KYNU: variants seen among roughly 807,000 people sequenced by gnomAD.
KYNU encodes L-kynurenine hydrolase.
Under a neutral mutation model 59.2 loss-of-function variants are expected in KYNU, and 54 were observed. The observed-to-expected ratio is 0.91, with a 90% CI of 0.73 to 1.14. The LOEUF (loss-of-function observed/expected upper bound fraction) is 1.14. Ranked by LOEUF, KYNU falls within the 50% of genes most tolerant of loss-of-function variation. KYNU has a pLI of 0.00. For synonymous variants in KYNU, 177 were observed against 192.0 expected, an observed-to-expected ratio of 0.92 and a Z score of 0.65; for missense variants, 567 against 554.4, an observed-to-expected ratio of 1.02 and a Z score of -0.23.
chr2:142,926,276 A>G (rs768873291), intron 3 of KYNU, among the ~76,000 whole-genome samples: 3 of 152,166 alleles, frequency 2.0e-5, no homozygotes, highest in Non-Finnish European at 4.4e-5. Flanking sequence ...CTTAAAGTAT[A>G]ATAAAAAAAA....
chr2:142,988,590 T>G (rs1685295764), intron 10 of KYNU, among the ~76,000 whole-genome samples: 1 of 151,974 alleles, frequency 6.6e-6, no homozygotes, highest in African/African-American at 2.4e-5. Context: ...GCTTTTAAGT[T>G]TTTTGGAAAA....
intron 2 of KYNU, among the ~76,000 whole-genome samples, chr2:142,887,635 T>A (rs997478249): frequency 6.6e-6 from 1 of 152,128 alleles, no homozygotes; most frequent in Non-Finnish European, 1.5e-5. Context: ...TATGAGAACA[T>A]CATGCCAAGT....
chr2:142,996,017 G>A (rs1200664932), intron 10 of KYNU, among the ~76,000 whole-genome samples: 1 of 151,970 alleles, frequency 6.6e-6, no homozygotes, highest in East Asian at 1.9e-4. Flanking sequence ...TGTTTCCTAA[G>A]CCTTTCTTCT....
chr2:143,007,156 C>T (rs1399646210), intron 10 of KYNU, among the ~76,000 whole-genome samples: 15 of 151,238 alleles, frequency 9.9e-5, no homozygotes, highest in East Asian at 9.8e-4. Context: ...TTGAAAACTT[C>T]GAAAAAAATT....
At chr2:142,935,780 G>A (rs753130617) in intron 4 of KYNU, among the ~76,000 whole-genome samples, 9 of 152,118 alleles carry the variant, frequency 5.9e-5, no homozygotes, top group African/African-American at 1.4e-4. Context: ...GGAAAAAGCC[G>A]GAAGTGGTTC....
chr2:142,964,226 A>G (rs939432900), intron 8 of KYNU, among the ~76,000 whole-genome samples: 1 of 151,908 alleles, frequency 6.6e-6, no homozygotes, highest in Non-Finnish European at 1.5e-5. Flanking sequence ...TTTGAGAACT[A>G]CTAATATAAT....
chr2:143,034,994 C>A (rs1432361197), intron 12 of KYNU, among the ~76,000 whole-genome samples: 3 of 152,158 alleles, frequency 2.0e-5, no homozygotes, highest in African/African-American at 7.2e-5. Context: ...TAGTATTCAC[C>A]CTTCTCTTGT....
At chr2:142,982,532 C>CACTAGGCAGACACACAAAACACTTAAA in intron 8 of KYNU, among the ~76,000 whole-genome samples, 1 of 151,934 alleles carries the variant, frequency 6.6e-6, no homozygotes, top group Non-Finnish European at 1.5e-5. Context: ...TTGTGAATTC[C>CACTAGGCAGACACACAAAACACTTAAA]ACTAGGCAGA....
intron 2 of KYNU, among the ~76,000 whole-genome samples, chr2:142,904,142 C>T (rs1475904953): frequency 1.3e-5 from 2 of 152,200 alleles, no homozygotes; most frequent in East Asian, 3.8e-4. Flanking sequence ...GATTAGTTGG[C>T]CTTCAACAGA....
chr2:142,978,662 T>C lies in KYNU; in HGVS notation c.730-6422T>C, dbSNP rs773218772. On this transcript the variant is annotated intron_variant, in intron 8 of 13. Transcript: ENST00000264170. ...ATGAACTCAAGGGCTGCAACCATGG[T>C]TGGTTAGTCAGGTGGCTTAGGACAA... Among the ~76,000 whole-genome samples, 67 of 152,140 alleles carry C rather than the reference T, an allele frequency of 4.4e-4. 1 individual carries two copies. Among genetic ancestry groups the C allele is most frequent in the Admixed American group, 3.9e-4 (6 of 15,260 alleles).
intron 8 of KYNU, among the ~76,000 whole-genome samples, chr2:142,972,791 CATATATAT>C (rs72267912): frequency 3.9e-4 from 53 of 135,354 alleles, no homozygotes; most frequent in African/African-American, 1.3e-3. Flanking sequence ...AGACAGAGGC[CATATATAT>C]ATATATATAT....
Position 142,927,651 on chromosome 2 carries a change from A to G in KYNU, c.291-8A>G, listed in dbSNP as rs1453768292. Reference sequence around the variant, plus strand: ...CTAAGATATGTTTATGTCCGTTTTCAATTTCAGAGCAGCCTATGGTCATGA... The same window carrying G: ...CTAAGATATGTTTATGTCCGTTTTCGATTTCAGAGCAGCCTATGGTCATGA... On this transcript the variant is annotated splice_region_variant and splice_polypyrimidine_tract_variant and intron_variant, in intron 3 of 13. Coordinates refer to ENST00000264170, the MANE Select transcript of KYNU (RefSeq NM_003937.3). 1.9e-6 allele frequency: 3 copies of G among 1,609,254 alleles called. No homozygotes were observed. The highest frequency in any genetic ancestry group is 4.5e-5 in the East Asian group (2 of 44,784).
At chr2:142,923,688 G>A (rs1173389056) in intron 3 of KYNU, among the ~76,000 whole-genome samples, 1 of 152,192 alleles carries the variant, frequency 6.6e-6, no homozygotes, top group Non-Finnish European at 1.5e-5. Flanking sequence ...TGGGTATTAT[G>A]TTCCTAAAAT....
At chr2:142,925,971 G>T (rs1295720051) in intron 3 of KYNU, among the ~76,000 whole-genome samples, 1 of 152,120 alleles carries the variant, frequency 6.6e-6, no homozygotes, top group African/African-American at 2.4e-5. Context: ...GAGTAACAAA[G>T]GTCTTTCTGG....
chr2:143,012,079 G>T (rs1379160278), intron 10 of KYNU, among the ~76,000 whole-genome samples: 1 of 140,002 alleles, frequency 7.1e-6, no homozygotes, highest in Non-Finnish European at 1.6e-5. Context: ...AAAAAAAAAA[G>T]AAAATACACT....
intron 12 of KYNU, among the ~76,000 whole-genome samples, chr2:143,037,417 A>C (rs1388176885): frequency 2.0e-5 from 3 of 152,202 alleles, no homozygotes. Context: ...CAGTATTCTG[A>C]ATTCATAATG....
At position 142,965,529 on chromosome 2, in the gene KYNU, T is replaced by C. The variant is rs1471671967; in HGVS notation, c.729+4759T>C. Among the ~76,000 whole-genome samples the C allele has an allele frequency of 3.9e-5, 6 of 152,192 alleles. No homozygotes were observed. The South Asian group carries it at 1.0e-3, about 26-fold the overall frequency. On this transcript the variant is annotated intron_variant, in intron 8 of 13. Coordinates refer to ENST00000264170, the MANE Select transcript of KYNU (RefSeq NM_003937.3). ...GTTTCCTTAGAGTTTTCTCAGACTT[T>C]TTCCATCACAGTCACAAGATATTTG...
chr2:142,947,792 T>C (rs1683846297), intron 4 of KYNU: 1 of 152,476 alleles, frequency 6.6e-6, no homozygotes, highest in African/African-American at 2.4e-5. Context: ...GGTAAAACCG[T>C]GGACTTTCTC....
intron 5 of KYNU, among the ~76,000 whole-genome samples, chr2:142,955,390 A>G (rs964252301): frequency 5.9e-5 from 9 of 152,204 alleles, no homozygotes; most frequent in African/African-American, 2.2e-4. Flanking sequence ...TGTCAAATCT[A>G]TTATCTATTA....
Sources: gnomAD v4.1 joint callset for allele counts (sites outside exome capture counted in the v4.1 genomes callset) on GRCh38, gnomAD v4.1.1 for gene constraint, MANE v1.5 for transcripts, NCBI Gene and HGNC (gene_info 2026-07-23, HGNC 2026-07-21) for gene names.